CIC: variants seen among roughly 807,000 people sequenced by gnomAD.
CIC encodes capicua transcriptional repressor.
In CIC, 18 loss-of-function variants were observed where a neutral mutation model predicts 115.7. That is an observed-to-expected ratio of 0.16 (90% confidence interval 0.11 to 0.23). The LOEUF (loss-of-function observed/expected upper bound fraction) is 0.23. CIC is among the 10% of genes least tolerant of loss of function. CIC has a pLI of 1.00. For missense variants in CIC, 2,000 were observed against 2,159.3 expected, an observed-to-expected ratio of 0.93 and a Z score of 1.46; for synonymous variants, 1,076 against 923.0, an observed-to-expected ratio of 1.17 and a Z score of -3.01.
intron 10 of CIC, 128 bp from the exon 11 acceptor site, chr19:42,290,105 A>T (rs1265583320): frequency 1.5e-5 from 22 of 1,458,066 alleles, no homozygotes; most frequent in Non-Finnish European, 2.0e-5. Context: ...GGATGAATTG[A>T]GGCCTTCAGC....
rs1295790805 is a variant in CIC, at chr19:42,289,897, G to T, written c.4137G>T (p.Arg1379=). 3 of 1,610,412 alleles carry T rather than the reference G, an allele frequency of 1.9e-6. No homozygotes were observed. In the African/African-American group the frequency reaches 4.0e-5, roughly 22 times the overall value. Residue 1379 remains arginine, a synonymous_variant, in exon 10 of 21, where the codon CGG becomes CGT. Coordinates refer to ENST00000681038, the MANE Select transcript of CIC (RefSeq NM_001386298.1). ...ACATTGATCTCAAGTGCAAGGAGCG[G>T]GTGACCGACAGCGAGAGTGGGGACA... is the stretch of plus-strand genomic sequence containing the variant. ...TTDIDLKCKE[R]VTDSESGDSS... is the part of the protein sequence containing the mutation.
Position 42,286,998 on chromosome 19 carries a change from G to T in CIC, c.2945-8G>T, listed in dbSNP as rs1161396451. ...TAGGAGCCCTCTGATCTACCTCTGT[G>T]TCCCCAGAACCTGCTGAGTCGGCAG... is the stretch of plus-strand genomic sequence containing the variant. On this transcript the variant is annotated splice_region_variant and splice_polypyrimidine_tract_variant and intron_variant, in intron 3 of 20. Transcript: ENST00000681038. 1 of 1,608,890 alleles carries T rather than the reference G, an allele frequency of 6.2e-7. No individual in the cohort carries two copies. Among genetic ancestry groups the T allele is most frequent in the Non-Finnish European group, 8.5e-7 (1 of 1,179,974 alleles).
Position 42,293,505 on chromosome 19 carries a change from C to G in CIC, c.6523-87C>G, listed in dbSNP as rs189835179. ...CAGCCTTCTCAAGGGGTCTGCTGGG[C>G]GGGCTCAGATCCAACTCTTTGTTTC... On this transcript the variant is annotated intron_variant, in intron 16 of 20. Transcript: ENST00000681038. 56 of 1,597,930 alleles carry G rather than the reference C, an allele frequency of 3.5e-5. No individual in the cohort carries two copies. The Middle Eastern group carries it at 1.1e-3, about 30-fold the overall frequency.
rs2147249002 is a variant in CIC at position 42,290,255 on chromosome 19, C to T, written c.4214C>T (p.Ser1405Leu). The part of the protein sequence containing the change: ...GNKGFGRKVF[S>L]PVIRSSFTHC... ...CAGGGCTTTGGTCGGAAGGTGTTTT[C>T]ACCTGTGATCCGTTCCTCCTTTACC... is the stretch of plus-strand genomic sequence containing the variant. Residue 1405 changes from serine to leucine, a missense_variant, in exon 11 of 21, where the codon TCA (serine) becomes TTA (leucine). By Grantham distance (145) the Ser-to-Leu change is moderately radical. This residue lies in a region of CIC where 1,466 missense variants were observed against 1,390.4 expected (regional missense o/e 1.05). Coordinates refer to ENST00000681038, the MANE Select transcript of CIC (RefSeq NM_001386298.1). The T allele has an allele frequency of 6.2e-6, 10 of 1,614,078 alleles. No individual in the cohort carries two copies. Among genetic ancestry groups the T allele is most frequent in the Non-Finnish European group, 8.5e-6 (10 of 1,179,980 alleles).
intron 2 of CIC, chr19:42,284,874 C>T (rs1408151855): frequency 3.8e-6 from 4 of 1,039,578 alleles, no homozygotes; most frequent in Non-Finnish European, 5.7e-6. Flanking sequence ...ACAGTAGAGG[C>T]AGAGTAAAGG....
At chr19:42,294,373 A>C (rs531659867) in intron 19 of CIC, 69 bp downstream of exon 19, 3 of 1,600,422 alleles carry the variant, frequency 1.9e-6, no homozygotes, top group Non-Finnish European at 2.5e-6. Flanking sequence ...GAAGGCGGTT[A>C]GAGAGTGAGA....
chr19:42,272,661 C>T lies in CIC; in HGVS notation c.878C>T (p.Pro293Leu). ...EGVVVEVATK[P>L]AAYKVRLSPG... is the part of the protein sequence containing the mutation. Reference sequence around the variant, plus strand: ...GTGGTGGTGGAGGTGGCCACCAAGCCAGCTGCCTACAAGGTCCGTCTCAGC... The same window carrying T: ...GTGGTGGTGGAGGTGGCCACCAAGCTAGCTGCCTACAAGGTCCGTCTCAGC... The change falls in exon 2 of 21, where the codon CCA becomes CTA. Residue 293 changes from proline to leucine, a missense_variant. Pro to Leu is a moderately conservative substitution (Grantham distance 98, BLOSUM62 -3). Around this residue, in one of 8 missense-constraint regions of CIC, gnomAD observed 222 missense variants for 247.7 expected, o/e 0.90. Coordinates refer to ENST00000681038, the MANE Select transcript of CIC (RefSeq NM_001386298.1). 2.5e-6 allele frequency: 1 copy of T among 398,822 alleles called. No individual in the cohort carries two copies. The highest frequency in any genetic ancestry group is 4.4e-6 in the Non-Finnish European group (1 of 226,238). The allele number at this position is 398,822 out of a possible 1,614,324, so 24.7% of individuals were successfully genotyped here.
Position 42,290,736 on chromosome 19 carries a change from C to T in CIC, c.4695C>T (p.Ala1565=), listed in dbSNP as rs1225256202. ...CCTCCGCCCCCGCCCCATCACTGGC[C>T]TATGGGGCCCCAGCAGCTCCCCTGT... ...RVPSAPAPSL[A]YGAPAAPLSR... is the part of the protein sequence containing the mutation. The change falls in exon 11 of 21, where the codon GCC becomes GCT. Residue 1565 remains alanine (A), a synonymous_variant. Transcript: ENST00000681038. 1.2e-6 allele frequency: 2 copies of T among 1,612,618 alleles called. No individual in the cohort carries two copies. The highest frequency in any genetic ancestry group is 1.7e-5 in the Admixed American group (1 of 59,992).
In CIC at chr19:42,292,189, T is replaced by G; in HGVS notation, c.5717T>G (p.Leu1906Arg). 3.1e-6 allele frequency: 5 copies of G among 1,613,978 alleles called. No individual in the cohort carries two copies. The highest frequency in any genetic ancestry group is 4.2e-6 in the Non-Finnish European group (5 of 1,180,006). The change falls in exon 13 of 21, where the codon CTG (leucine) becomes CGG (arginine). Residue 1906 changes from leucine to arginine, a missense_variant. By Grantham distance (102) the Leu-to-Arg change is moderately radical. Coordinates refer to ENST00000681038, the MANE Select transcript of CIC (RefSeq NM_001386298.1). ...CCCACCTCTCAGCCTCAGAAGGTCC[T>G]GTTGCCCTCCTCCACCAGGTAATTG... The part of the protein sequence containing the change: ...PGPTSQPQKV[L>R]LPSSTRITYV...
intron 17 of CIC, 38 bp from the exon 18 acceptor site, chr19:42,293,897 A>G (rs368146108): frequency 6.2e-7 from 1 of 1,612,888 alleles, no homozygotes; most frequent in Non-Finnish European, 8.5e-7. Flanking sequence ...GAGCAGCTGC[A>G]GGCTGAGGCG....
Position 42,295,143 on chromosome 19 carries a change from G to GGGCGC in CIC, c.7506_7507insGGCGC (p.Pro2503GlyfsTer28). 2.9e-6 allele frequency: 4 copies of GGGCGC among 1,382,704 alleles called. No homozygotes were observed. The highest frequency in any genetic ancestry group is 3.9e-6 in the Non-Finnish European group (4 of 1,037,796). 85.7% of individuals were successfully genotyped at this position (1,382,704 alleles called of 1,614,324 possible). A position where few individuals can be genotyped will look rare whatever the true frequency, so the allele number is the denominator to read the frequency against. On this transcript the variant is annotated frameshift_variant, in exon 21 of 21. Transcript: ENST00000681038. LOFTEE classifies it high-confidence loss of function. ...AGCCTGGCTGGGAGGGGGCTCCCCA[G>GGGCGC]CCCTCCCCCCCACCCCCAGGTCCCT... is the stretch of plus-strand genomic sequence containing the variant.
In CIC at chr19:42,288,992, G is replaced by A. The variant is rs753855146; in HGVS notation, c.3763G>A (p.Gly1255Arg). Residue 1255 changes from glycine to arginine, a missense_variant, in exon 8 of 21, where the codon GGA becomes AGA. Physicochemically the swap from Gly to Arg is moderately radical, Grantham distance 125 (BLOSUM62 -2). Coordinates refer to ENST00000681038, the MANE Select transcript of CIC (RefSeq NM_001386298.1). ...CGAERLHTVGGPGSARPRAFS... is the reference protein window; with the variant it reads ...CGAERLHTVGRPGSARPRAFS... Reference sequence around the variant, plus strand: ...GGCAGAACGGCTACACACAGTTGGGGGACCTGGCTCAGCCCGGCCCCGAGC... The same window carrying A: ...GGCAGAACGGCTACACACAGTTGGGAGACCTGGCTCAGCCCGGCCCCGAGC... The A allele has an allele frequency of 1.2e-6, 2 of 1,613,858 alleles. No individual in the cohort carries two copies. Among genetic ancestry groups the A allele is most frequent in the Non-Finnish European group, 1.7e-6 (2 of 1,180,046 alleles).
rs2036867000 is a variant in CIC at position 42,273,764 on chromosome 19, C to T, written c.1981C>T (p.Arg661Cys). 1.0e-5 allele frequency: 4 copies of T among 398,658 alleles called. No individual in the cohort carries two copies. The highest frequency in any genetic ancestry group is 2.1e-5 in the African/African-American group (1 of 48,608). The allele number at this position is 398,658 out of a possible 1,614,324, so 24.7% of individuals were successfully genotyped here. A position where few individuals can be genotyped will look rare whatever the true frequency, so the allele number is the denominator to read the frequency against. ...CATCCAGCGCACTGCAGTCCGCAGT[C>T]GCCACCTGAGCGCCAGCACCCCTAA... ...PVIQRTAVRS[R>C]HLSASTPKAG... Residue 661 changes from arginine to cysteine, a missense_variant, in exon 2 of 21, where the codon CGC (arginine) becomes TGC (cysteine). By Grantham distance (180) the Arg-to-Cys change is radical. Around this residue, in one of 8 missense-constraint regions of CIC, gnomAD observed 222 missense variants for 247.7 expected, o/e 0.90. Coordinates refer to ENST00000681038, the MANE Select transcript of CIC (RefSeq NM_001386298.1).
chr19:42,272,307 T>A lies in CIC; in HGVS notation c.524T>A (p.Leu175Gln), dbSNP rs1268231042. ...ACAGCCAGCGAGCACTCGGCGGACCTGGAGGATGAGCCGGCTGAGGCTTGT... is the reference window on the plus strand; with the variant it reads ...ACAGCCAGCGAGCACTCGGCGGACCAGGAGGATGAGCCGGCTGAGGCTTGT... The part of the protein sequence containing the change: ...TDTASEHSAD[L>Q]EDEPAEACGP... The change falls in exon 2 of 21, where the codon CTG (leucine) becomes CAG (glutamine). Residue 175 changes from leucine to glutamine, a missense_variant. By Grantham distance (113) the Leu-to-Gln change is moderately radical. Coordinates refer to ENST00000681038, the MANE Select transcript of CIC (RefSeq NM_001386298.1). 7.5e-6 allele frequency: 3 copies of A among 398,422 alleles called. No individual in the cohort carries two copies. In the Admixed American group the frequency reaches 1.3e-4, roughly 18 times the overall value. The allele number at this position is 398,422 out of a possible 1,614,324, so 24.7% of individuals were successfully genotyped here. A position where few individuals can be genotyped will look rare whatever the true frequency, so the allele number is the denominator to read the frequency against.
In CIC at chr19:42,287,511, C is replaced by G. The variant is rs1293200392; in HGVS notation, c.3310-34C>G. The G allele has an allele frequency of 1.2e-6, 2 of 1,612,430 alleles. No homozygotes were observed. Among genetic ancestry groups the G allele is most frequent in the African/African-American group, 2.7e-5 (2 of 74,952 alleles). ...GCCACCCACACCTGTCTGCCAGGTC[C>G]TAACTGTCCCGCTCTGGGCTGTGTT... is the stretch of plus-strand genomic sequence containing the variant. On this transcript the variant is annotated intron_variant, in intron 5 of 20. Coordinates refer to ENST00000681038, the MANE Select transcript of CIC (RefSeq NM_001386298.1). This position sits in a 1 kb window ranked among gnomAD's most constrained non-coding sequence, Gnocchi z 8.7.
At chr19:42,281,132 C>T (rs1285457729) in intron 2 of CIC, among the ~76,000 whole-genome samples, 1 of 28,014 alleles carries the variant, frequency 3.6e-5, no homozygotes, top group Non-Finnish European at 7.0e-5. Flanking sequence ...CGACGCCGCC[C>T]GGGGTGGGTG....
At position 42,295,487 on chromosome 19, in the gene CIC, A is replaced by C; in HGVS notation, c.*296A>C. On this transcript the variant is annotated 3_prime_UTR_variant, in exon 21 of 21. Transcript: ENST00000681038. ...CAAAATGGCTCCTGTGAGGGCTGCA[A>C]GCTGGAGGGTGGTGCAGGCCTTGGG... The C allele has an allele frequency of 2.7e-6, 1 of 375,444 alleles. No individual in the cohort carries two copies. The highest frequency in any genetic ancestry group is 4.0e-5 in the South Asian group (1 of 25,278). The allele number at this position is 375,444 out of a possible 1,614,324, so 23.3% of individuals were successfully genotyped here.
Position 42,289,873 on chromosome 19 carries a change from C to T in CIC, c.4113C>T (p.Asp1371=). Residue 1371 remains aspartate, a synonymous_variant, in exon 10 of 21, where the codon GAC becomes GAT. Coordinates refer to ENST00000681038, the MANE Select transcript of CIC (RefSeq NM_001386298.1). ...CTGACGATGGCTTCGGCACCACTGA[C>T]ATTGATCTCAAGTGCAAGGAGCGGG... The part of the protein sequence containing the change: ...VIADDGFGTT[D]IDLKCKERVT... The T allele has an allele frequency of 6.2e-7, 1 of 1,608,362 alleles. No homozygotes were observed. The highest frequency in any genetic ancestry group is 8.5e-7 in the Non-Finnish European group (1 of 1,177,638).
chr19:42,293,095 A>G lies in CIC; in HGVS notation c.6336A>G (p.Ala2112=). 1.2e-6 allele frequency: 2 copies of G among 1,608,610 alleles called. No individual in the cohort carries two copies. The highest frequency in any genetic ancestry group is 1.7e-6 in the Non-Finnish European group (2 of 1,178,420). ...GTGCCTCTGGGCGGCCTGGCCCTGC[A>G]CCCCGGCAGCCTCTGGAGCCTGGCC... The part of the protein sequence containing the change: ...EAGASGRPGP[A]PRQPLEPGPV... Residue 2112 remains alanine (A), a synonymous_variant, in exon 16 of 21, where the codon GCA becomes GCG. Transcript: ENST00000681038.
Sources: allele counts gnomAD v4.1 joint callset (sites outside exome capture counted in the v4.1 genomes callset), GRCh38; gene constraint gnomAD v4.1.1; regional missense constraint gnomAD v4.1.1; non-coding constraint Gnocchi (gnomAD v3.1); transcripts MANE v1.5; gene names NCBI Gene and HGNC (gene_info 2026-07-23, HGNC 2026-07-21).